CCDC171: variants seen among roughly 807,000 people sequenced by gnomAD.
CCDC171 encodes coiled-coil domain-containing protein 171.
Under a neutral mutation model 168.2 loss-of-function variants are expected in CCDC171, and 177 were observed. The ratio of observed to expected loss-of-function variants is 1.05; its 90% CI spans 0.93 to 1.19. The LOEUF is 1.19. CCDC171 is among the 50% of genes most tolerant of loss of function. The probability of loss-of-function intolerance (pLI) is 0.00; values close to 1 mark genes in which losing one functional copy is unlikely to be tolerated. For synonymous variants in CCDC171, 687 were observed against 540.8 expected (o/e 1.27, Z -3.75); for missense variants, 1,991 against 1,539.0 (o/e 1.29, Z -4.91).
Position 15,874,583 on chromosome 9 carries a change from A to G in CCDC171, c.3520A>G (p.Thr1174Ala). The change falls in exon 24 of 26, where the codon ACC becomes GCC. Residue 1174 changes from threonine to alanine, a missense_variant. Thr to Ala is a moderately conservative substitution (Grantham distance 58, BLOSUM62 0). Transcript: ENST00000380701. ...GTCTGCGGCAAGTAGGAATGACTTC[A>G]CCCTACAGCTACCCAAACTGCACCT... Reference protein sequence around the residue: ...SWSAASRNDFTLQLPKLHLET... With the variant: ...SWSAASRNDFALQLPKLHLET... 6.2e-7 allele frequency: 1 copy of G among 1,607,936 alleles called. No homozygotes were observed. Among genetic ancestry groups the G allele is most frequent in the Non-Finnish European group, 8.5e-7 (1 of 1,177,294 alleles).
At chr9:15,722,314 G>A (rs375506975) in intron 12 of CCDC171, among the ~76,000 whole-genome samples, 2 of 152,324 alleles carry the variant, frequency 1.3e-5, no homozygotes, top group East Asian at 1.9e-4. Flanking sequence ...AGAGAAATTA[G>A]TTTTCATTCT....
At chr9:16,093,630 G>C in the CCDC171 span, among the ~76,000 whole-genome samples, 1 of 152,200 alleles carries the variant, frequency 6.6e-6, no homozygotes, top group African/African-American at 2.4e-5. Flanking sequence ...GTTGCCCACT[G>C]TTTCCCTTTA....
intron 4 of CCDC171, among the ~76,000 whole-genome samples, chr9:15,580,023 T>A (rs1191299905): frequency 1.3e-5 from 2 of 152,154 alleles, no homozygotes; most frequent in Non-Finnish European, 2.9e-5. Context: ...AAAACAGGCA[T>A]GGAGACTAAT....
At chr9:15,877,250 C>T (rs904767745) in intron 24 of CCDC171, among the ~76,000 whole-genome samples, 4 of 151,488 alleles carry the variant, frequency 2.6e-5, no homozygotes, top group African/African-American at 7.3e-5. Flanking sequence ...GGATTGAATA[C>T]AGCAATGGAT....
At chr9:15,881,837 T>G (rs1818692694) in intron 24 of CCDC171, among the ~76,000 whole-genome samples, 1 of 152,238 alleles carries the variant, frequency 6.6e-6, no homozygotes, top group South Asian at 2.1e-4. Flanking sequence ...TCGCATTTTC[T>G]TTATTCATTT....
intron 9 of CCDC171, among the ~76,000 whole-genome samples, chr9:15,671,344 T>G (rs976142514): frequency 6.6e-6 from 1 of 151,984 alleles, no homozygotes; most frequent in Non-Finnish European, 1.5e-5. Flanking sequence ...TTTTTTTAAA[T>G]TTATTTTTAT....
At chr9:15,927,121 C>G (rs557557201) in intron 25 of CCDC171, among the ~76,000 whole-genome samples, 1 of 151,622 alleles carries the variant, frequency 6.6e-6, no homozygotes, top group Non-Finnish European at 1.5e-5. Context: ...TCTTTAAAAA[C>G]TATCCCTCTT....
At chr9:15,997,742 C>T (rs1437919339) in intron 3 of CCDC171, among the ~76,000 whole-genome samples, 2 of 152,210 alleles carry the variant, frequency 1.3e-5, no homozygotes, top group Non-Finnish European at 2.9e-5. Flanking sequence ...ATCCTCATTT[C>T]TGAGGGATTT....
At chr9:15,921,890 G>A (rs1033834208) in intron 25 of CCDC171, among the ~76,000 whole-genome samples, 44 of 151,360 alleles carry the variant, frequency 2.9e-4, no homozygotes, top group African/African-American at 9.7e-4. Flanking sequence ...GCTTTGTTGG[G>A]TCATACTATT....
intron 6 of CCDC171, among the ~76,000 whole-genome samples, chr9:15,617,614 G>C (rs185893919): frequency 9.9e-5 from 15 of 152,190 alleles, no homozygotes; most frequent in Middle Eastern, 6.8e-3. Context: ...CTGACCTCCT[G>C]ATCCACCCGC....
chr9:16,096,006 C>A, the CCDC171 span, among the ~76,000 whole-genome samples: 1 of 151,366 alleles, frequency 6.6e-6, no homozygotes, highest in Non-Finnish European at 1.5e-5. Context: ...TGTTTCTATA[C>A]ACTGTGAAGG....
downstream of CCDC171, among the ~76,000 whole-genome samples, chr9:15,974,952 A>G (rs1485338331): frequency 6.6e-6 from 1 of 152,096 alleles, no homozygotes; most frequent in Non-Finnish European, 1.5e-5. Flanking sequence ...TCTTTTTTTA[A>G]GAGATGGGCT....
chr9:15,802,201 G>A (rs2058858240), intron 21 of CCDC171, among the ~76,000 whole-genome samples: 1 of 151,556 alleles, frequency 6.6e-6, no homozygotes, highest in Admixed American at 6.6e-5. Flanking sequence ...AGGGTTTATT[G>A]AGCTTTATTT....
At chr9:16,098,785 C>T in the CCDC171 span, among the ~76,000 whole-genome samples, 1 of 152,080 alleles carries the variant, frequency 6.6e-6, no homozygotes, top group Non-Finnish European at 1.5e-5. Context: ...TGGAATATTC[C>T]CCCTTTGAAG....
chr9:15,639,193 A>G (rs532225909), intron 7 of CCDC171, among the ~76,000 whole-genome samples: 2 of 152,172 alleles, frequency 1.3e-5, no homozygotes, highest in Non-Finnish European at 2.9e-5. Context: ...TAAAGCCATC[A>G]TGTGTTTGTA....
At chr9:15,579,098 C>A in intron 4 of CCDC171, 75 bp downstream of exon 4, 1 of 1,141,414 alleles carries the variant, frequency 8.8e-7, no homozygotes, top group Non-Finnish European at 1.3e-6. Context: ...GTTGTGTGTA[C>A]ATCCCATACA....
At chr9:15,600,143 A>G (rs1390652049) in intron 6 of CCDC171, among the ~76,000 whole-genome samples, 1 of 152,166 alleles carries the variant, frequency 6.6e-6, no homozygotes, top group Non-Finnish European at 1.5e-5. Flanking sequence ...TCAACTCGTC[A>G]GTCATTCTCC....
intron 18 of CCDC171, among the ~76,000 whole-genome samples, chr9:15,748,193 C>A (rs1303808253): frequency 6.6e-6 from 1 of 151,972 alleles, no homozygotes; most frequent in Non-Finnish European, 1.5e-5. Context: ...GCTTCAGCAG[C>A]AGATTTGATC....
intron 25 of CCDC171, among the ~76,000 whole-genome samples, chr9:15,963,622 A>G (rs1589262418): frequency 6.6e-6 from 1 of 152,166 alleles, no homozygotes; most frequent in Non-Finnish European, 1.5e-5. Flanking sequence ...TGATATATGA[A>G]AAGTCATCTT....
Sources: allele counts gnomAD v4.1 joint callset (sites outside exome capture counted in the v4.1 genomes callset), GRCh38; gene constraint gnomAD v4.1.1; transcripts MANE v1.5; gene names NCBI Gene and HGNC (gene_info 2026-07-23, HGNC 2026-07-21).